PCDHGA2: variants seen among roughly 807,000 people sequenced by gnomAD.
The protein encoded by PCDHGA2 is protocadherin gamma subfamily A, 2, also known as protocadherin gamma-A2.
PCDHGA2 carries 40 observed loss-of-function variants against 59.2 expected under a neutral mutation model. That is an observed-to-expected ratio of 0.68 (90% CI 0.52 to 0.88). The LOEUF (loss-of-function observed/expected upper bound fraction) is 0.88. Ranked by LOEUF, PCDHGA2 falls within the 40% of genes least tolerant of loss-of-function variation. The probability of loss-of-function intolerance (pLI) is 0.00; values close to 1 mark genes in which losing one functional copy is unlikely to be tolerated. For synonymous variants in PCDHGA2, 560 were observed against 526.0 expected (o/e 1.06, Z -0.89); for missense variants, 1,226 against 1,204.0 (o/e 1.02, Z -0.27).
intron 1 of PCDHGA2, among the ~76,000 whole-genome samples, chr5:141,442,702 T>A (rs1301940560): frequency 1.3e-5 from 2 of 152,342 alleles, no homozygotes; most frequent in African/African-American, 4.8e-5. Context: ...GACAAGAGTA[T>A]CAGACATGCC....
At chr5:141,382,637 G>A (rs993305735) in intron 1 of PCDHGA2, 3 of 381,072 alleles carry the variant, frequency 7.9e-6, no homozygotes, top group African/African-American at 2.1e-5. Context: ...TCAATGTGGT[G>A]CAGTAACTTA....
rs758439978 is a variant in PCDHGA2 at position 141,415,219 on chromosome 5, T to C, written c.2424+73824T>C. ...CCAAGTCCTGGCGGACCTCGGCAGC[T>C]TCGAGTCTCCAGCTAACTCTGAAAC... On this transcript the variant is annotated intron_variant, in intron 1 of 3. Coordinates refer to ENST00000394576, the MANE Select transcript of PCDHGA2 (RefSeq NM_018915.4). 42 of 1,613,954 alleles carry C rather than the reference T, an allele frequency of 2.6e-5. No individual in the cohort carries two copies. Among genetic ancestry groups the C allele is most frequent in the South Asian group, 9.9e-5 (9 of 91,088 alleles).
At chr5:141,443,953 T>C (rs1373953428) in intron 1 of PCDHGA2, among the ~76,000 whole-genome samples, 1 of 152,142 alleles carries the variant, frequency 6.6e-6, no homozygotes, top group Non-Finnish European at 1.5e-5. Context: ...CTTATTGGTA[T>C]GTATTCTGTG....
chr5:141,491,316 T>C lies in PCDHGA2; in HGVS notation c.2425-3491T>C. The C allele has an allele frequency of 3.1e-6, 5 of 1,614,176 alleles. No homozygotes were observed. The highest frequency in any genetic ancestry group is 3.4e-6 in the Non-Finnish European group (4 of 1,180,004). ...CTCCTGAGCGTTCAGACCTTACCCT[T>C]TACCTCATTGTGGCTCTAGCGACCG... is the stretch of plus-strand genomic sequence containing the variant. On this transcript the variant is annotated intron_variant, in intron 1 of 3. Coordinates refer to ENST00000394576, the MANE Select transcript of PCDHGA2 (RefSeq NM_018915.4). The surrounding 1 kb of genome is among the most constrained non-coding windows in gnomAD (Gnocchi z 6.9).
chr5:141,366,199 G>A, intron 1 of PCDHGA2: 3 of 1,613,876 alleles, frequency 1.9e-6, no homozygotes, highest in Non-Finnish European at 2.5e-6. Flanking sequence ...GGCTGCACAC[G>A]GGCGAGGTGC....
Position 141,385,179 on chromosome 5 carries a change from C to T in PCDHGA2, c.2424+43784C>T, listed in dbSNP as rs1270655942. The T allele has an allele frequency of 7.4e-6, 12 of 1,614,194 alleles. No homozygotes were observed. In the South Asian group the frequency reaches 1.2e-4, roughly 16 times the overall value. On this transcript the variant is annotated intron_variant, in intron 1 of 3. Transcript: ENST00000394576. ...CCTATTCCCATGAGGTCTCCCTCAC[C>T]GCGGACTCTCGGAAGAGTCACCTGA...
At chr5:141,365,314 T>A in intron 1 of PCDHGA2, 1 of 1,613,862 alleles carries the variant, frequency 6.2e-7, no homozygotes, top group East Asian at 2.2e-5. Context: ...GCGCTCTTGT[T>A]GCCAGCGCTA....
chr5:141,349,802 C>A (rs1758351932), intron 1 of PCDHGA2, among the ~76,000 whole-genome samples: 2 of 151,314 alleles, frequency 1.3e-5, no homozygotes, highest in South Asian at 4.2e-4. Flanking sequence ...TTTTTTTTTA[C>A]CCCCAAAACT....
intron 1 of PCDHGA2, chr5:141,405,052 C>G (rs182635391): frequency 4.3e-6 from 7 of 1,613,836 alleles, no homozygotes; most frequent in Non-Finnish European, 5.9e-6. Context: ...TGGCAGTCGT[C>G]TCCTGTGTCT....
intron 1 of PCDHGA2, among the ~76,000 whole-genome samples, chr5:141,354,854 G>A (rs1343245672): frequency 6.6e-6 from 1 of 152,118 alleles, no homozygotes; most frequent in African/African-American, 2.4e-5. Context: ...AATTTTCATT[G>A]CAAATCAAAA....
At chr5:141,418,310 G>C (rs778649723) in intron 1 of PCDHGA2, 2 of 1,613,990 alleles carry the variant, frequency 1.2e-6, no homozygotes, top group Non-Finnish European at 1.7e-6. Context: ...CCTGGGGATG[G>C]GAACAATTCT....
rs776923636 is a variant in PCDHGA2, at chr5:141,361,278, A to G, written c.2424+19883A>G. On this transcript the variant is annotated intron_variant, in intron 1 of 3. Coordinates refer to ENST00000394576, the MANE Select transcript of PCDHGA2 (RefSeq NM_018915.4). ...ACAGAGACTCTGGAGAAAATGGAGA[A>G]GTTTACTGCCAAGTGTTGGGAAATG... The G allele has an allele frequency of 1.4e-5, 23 of 1,613,896 alleles. No individual in the cohort carries two copies. In the South Asian group the frequency reaches 2.5e-4, roughly 18 times the overall value.
At chr5:141,421,119 C>T (rs542039688) in intron 1 of PCDHGA2, 1 of 772,768 alleles carries the variant, frequency 1.3e-6, no homozygotes, top group Non-Finnish European at 2.0e-6. Flanking sequence ...TATTTTCCTT[C>T]GCTTTCTGAT....
Position 141,427,885 on chromosome 5 carries a change from ACCAGGGCTCGC to A in PCDHGA2, c.2425-66919_2425-66909del, listed in dbSNP as rs772694818. 4 of 1,565,134 alleles carry A rather than the reference ACCAGGGCTCGC, an allele frequency of 2.6e-6. No homozygotes were observed. In the East Asian group the frequency reaches 6.7e-5, roughly 26 times the overall value. ...TTCGAGCTCACGATGCAGGCCCACGACCAGGGCTCGCCCGCGCTCAGCGCCAACATGAGCCG... is the reference window on the plus strand; with the variant it reads ...TTCGAGCTCACGATGCAGGCCCACGACCGCGCTCAGCGCCAACATGAGCCG... On this transcript the variant is annotated intron_variant, in intron 1 of 3. Coordinates refer to ENST00000394576, the MANE Select transcript of PCDHGA2 (RefSeq NM_018915.4).
intron 1 of PCDHGA2, among the ~76,000 whole-genome samples, chr5:141,469,859 A>C (rs2099213257): frequency 6.6e-6 from 1 of 152,080 alleles, no homozygotes; most frequent in Non-Finnish European, 1.5e-5. Context: ...GACCGGGTGC[A>C]ATGGCTCACG....
In PCDHGA2 at chr5:141,418,521, C is replaced by G. The variant is rs1246716171; in HGVS notation, c.2425-76286C>G. The G allele has an allele frequency of 3.7e-6, 6 of 1,613,840 alleles. No individual in the cohort carries two copies. The Admixed American group carries it at 1.0e-4, about 27-fold the overall frequency. On this transcript the variant is annotated intron_variant, in intron 1 of 3. Coordinates refer to ENST00000394576, the MANE Select transcript of PCDHGA2 (RefSeq NM_018915.4). ...ACCGCCTTAGATGGTGGGGACCCTC[C>G]CCGAAGCGGTACTGCTCAGATAAGA...
At chr5:141,351,128 C>G in intron 1 of PCDHGA2, 3 of 1,614,056 alleles carry the variant, frequency 1.9e-6, no homozygotes, top group Non-Finnish European at 2.5e-6. Context: ...CCTCTTCAAT[C>G]TCAATCCAAA....
chr5:141,502,784 G>C (rs185608958), intron 2 of PCDHGA2, among the ~76,000 whole-genome samples: 1 of 151,804 alleles, frequency 6.6e-6, no homozygotes, highest in Non-Finnish European at 1.5e-5. Flanking sequence ...AAATTACCTG[G>C]ATGATTTCTT....
rs2099413641 is a variant in PCDHGA2, at chr5:141,477,586, T to C, written c.2425-17221T>C. The C allele has an allele frequency of 1.9e-6, 3 of 1,614,022 alleles. No individual in the cohort carries two copies. The highest frequency in any genetic ancestry group is 2.5e-6 in the Non-Finnish European group (3 of 1,180,036). On this transcript the variant is annotated intron_variant, in intron 1 of 3. Transcript: ENST00000394576. This position sits in a 1 kb window ranked among gnomAD's most constrained non-coding sequence, Gnocchi z 4.9. ...GGGACCCCGACGCCCCGCAGAATGC[T>C]CGGCTTTCTTTCTTTCTCTTGGAGC... is the stretch of plus-strand genomic sequence containing the variant.
Sources: gnomAD v4.1 joint callset for allele counts (sites outside exome capture counted in the v4.1 genomes callset) on GRCh38, gnomAD v4.1.1 for gene constraint, Gnocchi (gnomAD v3.1) non-coding constraint, MANE v1.5 for transcripts, NCBI Gene and HGNC (gene_info 2026-07-23, HGNC 2026-07-21) for gene names.